NFKB1: variants seen among roughly 807,000 people sequenced by gnomAD.
NFKB1 encodes nuclear factor NF-kappa-B p105 subunit.
A neutral mutation model predicts 105.1 loss-of-function variants in NFKB1; 9 were observed. The observed-to-expected ratio is 0.09, with a 90% confidence interval of 0.05 to 0.15. NFKB1 has a LOEUF of 0.15. NFKB1 is among the 10% of genes least tolerant of loss of function. NFKB1 has a pLI of 1.00. For synonymous variants in NFKB1, 440 were observed against 442.2 expected (o/e 1.00, Z 0.06); for missense variants, 830 against 1,203.7 (o/e 0.69, Z 4.59).
intron 1 of NFKB1, among the ~76,000 whole-genome samples, chr4:102,509,051 G>A (rs1449213118): frequency 2.0e-5 from 3 of 152,056 alleles, no homozygotes; most frequent in Non-Finnish European, 4.4e-5. Context: ...GGTAAGAATG[G>A]ACTTTTCACC....
chr4:102,546,283 C>T (rs1038332022), intron 5 of NFKB1, among the ~76,000 whole-genome samples: 1 of 151,274 alleles, frequency 6.6e-6, no homozygotes, highest in Non-Finnish European at 1.5e-5. Context: ...GAACATTGGA[C>T]TGAAGGAAAA....
intron 1 of NFKB1, among the ~76,000 whole-genome samples, chr4:102,515,869 A>G (rs1740143128): frequency 6.6e-6 from 1 of 152,224 alleles, no homozygotes; most frequent in South Asian, 2.1e-4. Flanking sequence ...ATACAGGTCC[A>G]AGTGTCTATC....
intron 5 of NFKB1, among the ~76,000 whole-genome samples, chr4:102,564,399 T>G (rs1723687367): frequency 6.6e-6 from 1 of 152,242 alleles, no homozygotes; most frequent in South Asian, 2.1e-4. Context: ...ATAGTATCAC[T>G]GTCTTCTCAC....
At chr4:102,508,982 C>T (rs903525269) in intron 1 of NFKB1, among the ~76,000 whole-genome samples, 1 of 151,998 alleles carries the variant, frequency 6.6e-6, no homozygotes, top group Non-Finnish European at 1.5e-5. Flanking sequence ...GAGAGATTGC[C>T]CTTGGATAGA....
At chr4:102,545,252 TTC>T (rs1413421240) in intron 5 of NFKB1, among the ~76,000 whole-genome samples, 1 of 152,066 alleles carries the variant, frequency 6.6e-6, no homozygotes, top group Non-Finnish European at 1.5e-5. Flanking sequence ...TCCAGATGGA[TTC>T]CAAATAAGAA....
chr4:102,578,749 A>T, intron 7 of NFKB1, 132 bp from the exon 8 acceptor site: 1 of 843,276 alleles, frequency 1.2e-6, no homozygotes, highest in Non-Finnish European at 1.8e-6. Flanking sequence ...CTTTATTAGC[A>T]ATATGAAGAG....
At chr4:102,581,607 T>C (rs986851876) in intron 9 of NFKB1, among the ~76,000 whole-genome samples, 5 of 152,104 alleles carry the variant, frequency 3.3e-5, no homozygotes, top group Admixed American at 1.3e-4. Flanking sequence ...TGAGCTATTA[T>C]CATGCTGCTG....
At chr4:102,601,031 A>G (rs905139939) in intron 16 of NFKB1, 22 bp downstream of exon 16, 2 of 1,381,362 alleles carry the variant, frequency 1.4e-6, no homozygotes, top group African/African-American at 2.9e-5. Context: ...TCTCAAGAAA[A>G]CAACTGAAGA....
chr4:102,589,640 A>G (rs1363597674), intron 11 of NFKB1, among the ~76,000 whole-genome samples: 2 of 152,314 alleles, frequency 1.3e-5, no homozygotes, highest in Non-Finnish European at 1.5e-5. Context: ...GACTGAAACA[A>G]CCACAGAATT....
At position 102,567,839 on chromosome 4, in the gene NFKB1, A is replaced by G. The variant is rs1241922087; in HGVS notation, c.407+704A>G. Among the ~76,000 whole-genome samples, 3 of 152,344 alleles carry G rather than the reference A, an allele frequency of 2.0e-5. No homozygotes were observed. The East Asian group carries it at 5.8e-4, about 29-fold the overall frequency. ...ATTGTGCTAAAAAACTTGTATTTTC[A>G]TCTTCCTAATACACTAAAATGGCAC... On this transcript the variant is annotated intron_variant, in intron 6 of 23. Coordinates refer to ENST00000226574, the MANE Select transcript of NFKB1 (RefSeq NM_003998.4).
intron 7 of NFKB1, chr4:102,578,344 A>AT (rs1725035223): frequency 6.5e-6 from 1 of 153,892 alleles, no homozygotes; most frequent in South Asian, 2.0e-4. Context: ...TTATGACTAT[A>AT]TCCATCAGCG....
chr4:102,593,550 A>C lies in NFKB1; in HGVS notation c.1192A>C (p.Thr398Pro), dbSNP rs1726350667. 6.2e-7 allele frequency: 1 copy of C among 1,613,580 alleles called. No homozygotes were observed. The highest frequency in any genetic ancestry group is 1.1e-5 in the South Asian group (1 of 91,052). ...TGGTAGTGGCGGTGGAGGAGGGGGC[A>C]CTGGAAGTACAGGTCCAGGTACAAA... The part of the protein sequence containing the change: ...MFGSGGGGGG[T>P]GSTGPGYSFP... Residue 398 changes from threonine (T) to proline (P), a missense_variant, in exon 12 of 24, where the codon ACT becomes CCT. Physicochemically the swap from Thr to Pro is conservative, Grantham distance 38. Transcript: ENST00000226574.
At position 102,593,464 on chromosome 4, in the gene NFKB1, C is replaced by T. The variant is rs1726335203; in HGVS notation, c.1106C>T (p.Pro369Leu). ...CAGAGGAAACGTCAGAAGCTCATGC[C>T]CAATTTTTCGGATAGTTTCGGCGGT... ...EVQRKRQKLM[P>L]NFSDSFGGGS... The change falls in exon 12 of 24, where the codon CCC becomes CTC. Residue 369 changes from proline to leucine, a missense_variant. Pro to Leu is a moderately conservative substitution (Grantham distance 98). This residue lies in a region of NFKB1 where 42 missense variants were observed against 145.7 expected (regional missense o/e 0.29). Transcript: ENST00000226574. 6.2e-7 allele frequency: 1 copy of T among 1,613,340 alleles called. No homozygotes were observed.
At chr4:102,529,604 T>C (rs1741145192) in intron 2 of NFKB1, among the ~76,000 whole-genome samples, 1 of 152,228 alleles carries the variant, frequency 6.6e-6, no homozygotes, top group South Asian at 2.1e-4. Context: ...GTTATGCTTC[T>C]CAAATCCCTT....
At chr4:102,579,074 G>A (rs138029090) in intron 8 of NFKB1, 35 bp downstream of exon 8, 26 of 1,597,480 alleles carry the variant, frequency 1.6e-5, no homozygotes, top group Non-Finnish European at 2.1e-5. Flanking sequence ...GGCACACCAA[G>A]AATAGACTTC....
intron 16 of NFKB1, among the ~76,000 whole-genome samples, chr4:102,603,471 C>T (rs1041125519): frequency 2.6e-5 from 4 of 152,006 alleles, no homozygotes; most frequent in Non-Finnish European, 5.9e-5. Context: ...ACCCTGAAAC[C>T]GCCACCATTG....
rs141329729 is a variant in NFKB1 at position 102,540,363 on chromosome 4, T to C, written c.258+2407T>C. Reference sequence around the variant, plus strand: ...GAGGTTTCATCTACTCAAAAACATATTGCTGCCTCAGTCACAAAATAATTT... The same window carrying C: ...GAGGTTTCATCTACTCAAAAACATACTGCTGCCTCAGTCACAAAATAATTT... On this transcript the variant is annotated intron_variant, in intron 5 of 23. Coordinates refer to ENST00000226574, the MANE Select transcript of NFKB1 (RefSeq NM_003998.4). Among the ~76,000 whole-genome samples the C allele has an allele frequency of 1.2e-4, 19 of 152,272 alleles. No homozygotes were observed. The East Asian group carries it at 2.9e-3, about 23-fold the overall frequency.
intron 5 of NFKB1, among the ~76,000 whole-genome samples, chr4:102,543,054 G>A (rs1359181924): frequency 6.6e-6 from 1 of 152,108 alleles, no homozygotes; most frequent in Non-Finnish European, 1.5e-5. Flanking sequence ...TAATAGGAGA[G>A]GCTGGCAGAA....
chr4:102,576,387 T>C (rs1329977829), intron 6 of NFKB1, among the ~76,000 whole-genome samples: 1 of 152,186 alleles, frequency 6.6e-6, no homozygotes, highest in African/African-American at 2.4e-5. Context: ...ACAGCTCCCA[T>C]AGAAAATACT....
Sources: gnomAD v4.1 joint callset for allele counts (sites outside exome capture counted in the v4.1 genomes callset) on GRCh38, gnomAD v4.1.1 for gene constraint, gnomAD v4.1.1 regional missense constraint, MANE v1.5 for transcripts, NCBI Gene and HGNC (gene_info 2026-07-23, HGNC 2026-07-21) for gene names.